The following TRPM3 variants were observed in gnomAD, a reference collection of about 807,000 sequenced individuals.
TRPM3 encodes long transient receptor potential channel 3.
TRPM3 carries 77 observed loss-of-function variants against 181.2 expected under a neutral mutation model. The ratio of observed to expected loss-of-function variants is 0.42; its 90% confidence interval spans 0.35 to 0.51. The LOEUF is 0.51. Ranked by LOEUF, TRPM3 falls within the 20% of genes least tolerant of loss-of-function variation. TRPM3 has a pLI of 0.01. For synonymous variants in TRPM3, 745 were observed against 796.4 expected (o/e 0.94, Z 1.09); for missense variants, 1,759 against 2,196.7 (o/e 0.80, Z 3.98).
At chr9:70,982,476 A>G (rs4323534) in intron 1 of TRPM3, among the ~76,000 whole-genome samples, 48,250 of 151,972 alleles carry the variant, frequency 0.32, 7,817 homozygotes, top group African/African-American at 0.39. Context: ...CTAAGATTTC[A>G]GTCCCTCTCC....
intron 14 of TRPM3, among the ~76,000 whole-genome samples, chr9:70,624,081 A>T (rs1478300410): frequency 1.3e-5 from 2 of 152,022 alleles, no homozygotes; most frequent in African/African-American, 4.8e-5. Context: ...TACTCCCCCC[A>T]CCTCCACCAT....
intron 6 of TRPM3, among the ~76,000 whole-genome samples, chr9:70,819,361 A>T (rs1490484180): frequency 6.6e-6 from 1 of 152,226 alleles, no homozygotes; most frequent in African/African-American, 2.4e-5. Context: ...ATATTTTTGC[A>T]GATATTTCTA....
intron 6 of TRPM3, chr9:70,793,543 A>G (rs2086173558): frequency 2.2e-6 from 1 of 462,906 alleles, no homozygotes; most frequent in Non-Finnish European, 4.5e-6. Context: ...ATACATACAT[A>G]TATACATACA....
At chr9:70,777,322 T>A (rs1316071090) in intron 7 of TRPM3, among the ~76,000 whole-genome samples, 1 of 152,138 alleles carries the variant, frequency 6.6e-6, no homozygotes, top group Non-Finnish European at 1.5e-5. Context: ...TTAGTCCATG[T>A]AGGGCACTGA....
intron 5 of TRPM3, among the ~76,000 whole-genome samples, chr9:70,838,940 T>G: frequency 6.6e-6 from 1 of 152,262 alleles, no homozygotes; most frequent in African/African-American, 2.4e-5. Context: ...ATCACACATC[T>G]TTCAAAAGCT....
intron 1 of TRPM3, among the ~76,000 whole-genome samples, chr9:70,978,637 T>C (rs1172474945): frequency 6.6e-6 from 1 of 152,248 alleles, no homozygotes; most frequent in Admixed American, 6.5e-5. Context: ...GGAAATGTAC[T>C]GTTGTTCCCG....
chr9:71,251,106 T>C (rs2082318330), intron 1 of TRPM3, among the ~76,000 whole-genome samples: 1 of 152,202 alleles, frequency 6.6e-6, no homozygotes. Context: ...TTTCCTTTTA[T>C]TGTTTTTCTA....
chr9:71,182,915 G>T (rs1240556155), intron 1 of TRPM3, among the ~76,000 whole-genome samples: 1 of 152,038 alleles, frequency 6.6e-6, no homozygotes, highest in Non-Finnish European at 1.5e-5. Flanking sequence ...ACCTGCCTCG[G>T]CCTCCCAAAG....
At chr9:70,966,158 C>T (rs958670522) in intron 1 of TRPM3, among the ~76,000 whole-genome samples, 1 of 151,710 alleles carries the variant, frequency 6.6e-6, no homozygotes, top group African/African-American at 2.4e-5. Flanking sequence ...CTCAACATTA[C>T]TGATTAGAGA....
At chr9:70,908,067 A>G (rs1356343563) in intron 1 of TRPM3, among the ~76,000 whole-genome samples, 1 of 152,172 alleles carries the variant, frequency 6.6e-6, no homozygotes, top group Non-Finnish European at 1.5e-5. Context: ...TTGTGTATCT[A>G]TCTAGTAAAG....
chr9:70,889,828 T>C (rs1427630123), intron 1 of TRPM3, among the ~76,000 whole-genome samples: 3 of 151,104 alleles, frequency 2.0e-5, no homozygotes, highest in Non-Finnish European at 3.0e-5. Flanking sequence ...AATGAAACAA[T>C]AAAGGAAACA....
At chr9:71,425,604 T>G (rs112775556) in intron 1 of TRPM3, among the ~76,000 whole-genome samples, 3 of 152,166 alleles carry the variant, frequency 2.0e-5, no homozygotes, top group African/African-American at 7.2e-5. Flanking sequence ...TCTCACCAGG[T>G]TTTCCCCCAC....
At chr9:70,992,281 A>T (rs1005530176) in intron 1 of TRPM3, among the ~76,000 whole-genome samples, 1 of 152,196 alleles carries the variant, frequency 6.6e-6, no homozygotes, top group Non-Finnish European at 1.5e-5. Context: ...TAGTCAGTGT[A>T]GGGCTCTCTA....
chr9:70,934,067 A>G lies in TRPM3; in HGVS notation c.178-69556T>C, dbSNP rs547529750. ...CTCTTCATGTGCACCAACCATGCCA[A>G]GGACATTCTTTAAACTTACTCCATC... is the stretch of plus-strand genomic sequence containing the variant. On this transcript the variant is annotated intron_variant, in intron 1 of 25. Transcript: ENST00000677713. 2.1e-4 allele frequency among the ~76,000 whole-genome samples: 32 copies of G among 152,282 alleles called. No individual in the cohort carries two copies. The South Asian group carries it at 6.6e-3, about 32-fold the overall frequency.
chr9:70,979,070 T>A (rs1564891510), intron 1 of TRPM3, among the ~76,000 whole-genome samples: 2 of 152,216 alleles, frequency 1.3e-5, no homozygotes, highest in Non-Finnish European at 2.9e-5. Flanking sequence ...CAACTACAAC[T>A]ACTTTCAGGG....
At chr9:70,981,709 C>T (rs773404857) in intron 1 of TRPM3, among the ~76,000 whole-genome samples, 14 of 151,998 alleles carry the variant, frequency 9.2e-5, no homozygotes, top group Non-Finnish European at 1.3e-4. Flanking sequence ...GAGTCTGGCT[C>T]GTTGTAAGTA....
intron 1 of TRPM3, among the ~76,000 whole-genome samples, chr9:70,918,770 G>A (rs1300549489): frequency 6.6e-6 from 1 of 152,062 alleles, no homozygotes; most frequent in Non-Finnish European, 1.5e-5. Flanking sequence ...ATAAAGATCA[G>A]AGCAGAAATA....
At chr9:71,061,475 C>T (rs534386534) in intron 1 of TRPM3, among the ~76,000 whole-genome samples, 2 of 152,150 alleles carry the variant, frequency 1.3e-5, no homozygotes, top group African/African-American at 4.8e-5. Context: ...GGAAGTTTCC[C>T]ACCATTCCCA....
At chr9:71,200,106 A>C (rs2131722089) in intron 1 of TRPM3, among the ~76,000 whole-genome samples, 1 of 152,036 alleles carries the variant, frequency 6.6e-6, no homozygotes, top group African/African-American at 2.4e-5. Context: ...GAACATCTTT[A>C]TTTCTGCCTT....
Sources: allele counts gnomAD v4.1 joint callset (sites outside exome capture counted in the v4.1 genomes callset), GRCh38; gene constraint gnomAD v4.1.1; transcripts MANE v1.5; gene names NCBI Gene and HGNC (gene_info 2026-07-23, HGNC 2026-07-21).